CALN1: variants seen among roughly 807,000 people sequenced by gnomAD.
The protein encoded by CALN1 is calneuron 1.
Under a neutral mutation model 30.6 loss-of-function variants are expected in CALN1, and 17 were observed. That is an observed-to-expected ratio of 0.56 (90% CI 0.38 to 0.83). The LOEUF (loss-of-function observed/expected upper bound fraction) is 0.83, where lower values mean the gene tolerates loss of function less well. CALN1 is among the 40% of genes least tolerant of loss of function. The pLI is 0.00. For synonymous variants in CALN1, 156 were observed against 131.4 expected, an observed-to-expected ratio of 1.19 and a Z score of -1.28; for missense variants, 291 against 354.9, an observed-to-expected ratio of 0.82 and a Z score of 1.45.
At chr7:72,317,986 T>A (rs1240404580) in intron 2 of CALN1, among the ~76,000 whole-genome samples, 1 of 152,174 alleles carries the variant, frequency 6.6e-6, no homozygotes, top group East Asian at 1.9e-4. Flanking sequence ...TCCCAGTGAT[T>A]TGCAAAACAG....
chr7:72,501,924 A>T, the CALN1 span, among the ~76,000 whole-genome samples: 286 of 84,194 alleles, frequency 3.4e-3, 13 homozygotes, highest in African/African-American at 0.013. Flanking sequence ...AAAAAAAAAA[A>T]AAAAATATAT....
chr7:72,272,789 C>G (rs1797080508), intron 3 of CALN1, among the ~76,000 whole-genome samples: 1 of 152,112 alleles, frequency 6.6e-6, no homozygotes, highest in South Asian at 2.1e-4. Context: ...CCATGGGAAT[C>G]TATTCCTCAA....
chr7:71,900,900 G>T (rs534284397), intron 5 of CALN1, among the ~76,000 whole-genome samples: 3 of 152,130 alleles, frequency 2.0e-5, no homozygotes, highest in Non-Finnish European at 4.4e-5. Context: ...AACTGTGCAC[G>T]TGGGCCCAAG....
At chr7:72,239,659 A>G (rs1008461955) in intron 3 of CALN1, among the ~76,000 whole-genome samples, 30 of 151,048 alleles carry the variant, frequency 2.0e-4, no homozygotes, top group Admixed American at 1.1e-3. Context: ...TTTGTAGATC[A>G]AGTTAACTCA....
intron 5 of CALN1, among the ~76,000 whole-genome samples, chr7:71,813,930 C>CA (rs540550294): frequency 0.021 from 1,441 of 68,148 alleles, 23 homozygotes; most frequent in African/African-American, 0.049. Context: ...GACTCTGTTG[C>CA]AAAAAAAAAA....
chr7:72,393,443 G>C (rs1265638063), intron 2 of CALN1, among the ~76,000 whole-genome samples: 2 of 152,150 alleles, frequency 1.3e-5, no homozygotes, highest in African/African-American at 4.8e-5. Context: ...CAGACTGGGA[G>C]AGAGAGCAAG....
intron 3 of CALN1, among the ~76,000 whole-genome samples, chr7:72,269,339 C>T (rs1352842754): frequency 6.6e-6 from 1 of 152,056 alleles, no homozygotes; most frequent in Admixed American, 6.6e-5. Context: ...GGTATATCTC[C>T]TAATGCTATC....
At chr7:72,107,883 G>A (rs1807291626) in intron 3 of CALN1, among the ~76,000 whole-genome samples, 1 of 152,180 alleles carries the variant, frequency 6.6e-6, no homozygotes, top group Non-Finnish European at 1.5e-5. Context: ...TAAGATGCAT[G>A]CAGAAACCTT....
intron 3 of CALN1, among the ~76,000 whole-genome samples, chr7:72,120,131 C>A (rs11760663): frequency 0.16 from 24,473 of 151,724 alleles, 2,433 homozygotes; most frequent in East Asian, 0.27. Flanking sequence ...TCTATTGTTC[C>A]CATCTTTATC....
chr7:72,397,068 G>A (rs1244625301), intron 2 of CALN1, among the ~76,000 whole-genome samples: 1 of 151,890 alleles, frequency 6.6e-6, no homozygotes, highest in Non-Finnish European at 1.5e-5. Flanking sequence ...CCACCACCGT[G>A]CCTGGTTAAT....
At chr7:71,907,530 G>T (rs1794207229) in intron 5 of CALN1, among the ~76,000 whole-genome samples, 1 of 152,254 alleles carries the variant, frequency 6.6e-6, no homozygotes, top group South Asian at 2.1e-4. Context: ...AAAAGACCTG[G>T]ATTCCAATTT....
At chr7:72,110,343 TCAGA>T (rs1807477549) in intron 3 of CALN1, among the ~76,000 whole-genome samples, 1 of 152,188 alleles carries the variant, frequency 6.6e-6, no homozygotes, top group Non-Finnish European at 1.5e-5. Context: ...ATTTAGCAAG[TCAGA>T]CCATAGATGG....
intron 2 of CALN1, among the ~76,000 whole-genome samples, chr7:72,373,049 A>T (rs1220816720): frequency 6.6e-6 from 1 of 152,236 alleles, no homozygotes; most frequent in East Asian, 1.9e-4. Context: ...CTCAGCAAAG[A>T]AGTAGAAGAT....
chr7:72,383,804 G>A (rs1331613833), intron 2 of CALN1, among the ~76,000 whole-genome samples: 1 of 152,206 alleles, frequency 6.6e-6, no homozygotes, highest in Non-Finnish European at 1.5e-5. Flanking sequence ...TAAGGGTGGA[G>A]GCATAGATGA....
At chr7:72,091,402 A>G (rs1165523352) in intron 4 of CALN1, among the ~76,000 whole-genome samples, 1 of 146,226 alleles carries the variant, frequency 6.8e-6, no homozygotes, top group African/African-American at 2.4e-5. Context: ...TGCAACTGCT[A>G]TGTTCCTAAC....
At chr7:71,830,020 C>A (rs745525534) in intron 5 of CALN1, among the ~76,000 whole-genome samples, 3 of 146,256 alleles carry the variant, frequency 2.1e-5, no homozygotes, top group Non-Finnish European at 4.5e-5. Flanking sequence ...TGTATGTGTG[C>A]ATGAGTAAGT....
intron 4 of CALN1, among the ~76,000 whole-genome samples, chr7:72,024,409 T>C (rs1800918026): frequency 6.6e-6 from 1 of 152,174 alleles, no homozygotes; most frequent in Non-Finnish European, 1.5e-5. Context: ...ACTTTTTTTG[T>C]TGTTTTTGAG....
intron 2 of CALN1, among the ~76,000 whole-genome samples, chr7:72,397,818 T>C (rs553463134): frequency 2.5e-4 from 38 of 151,852 alleles, no homozygotes; most frequent in East Asian, 7.8e-4. Flanking sequence ...AGAAAAGCTT[T>C]TATGAGCAAA....
intron 3 of CALN1, among the ~76,000 whole-genome samples, chr7:72,114,203 A>T (rs1229240346): frequency 6.8e-6 from 1 of 147,386 alleles, no homozygotes; most frequent in African/African-American, 2.5e-5. Flanking sequence ...CAACATGGTA[A>T]AACCCAAGAA....
Sources: allele counts gnomAD v4.1 joint callset (sites outside exome capture counted in the v4.1 genomes callset), GRCh38; gene constraint gnomAD v4.1.1; transcripts MANE v1.5; gene names NCBI Gene and HGNC (gene_info 2026-07-23, HGNC 2026-07-21).